Variants in ARHGAP26 observed in about 807,000 individuals in gnomAD.
The protein encoded by ARHGAP26 is Rho GTPase activating protein 26, also known as rho GTPase-activating protein 26.
A neutral mutation model predicts 104.8 loss-of-function variants in ARHGAP26; 38 were observed. The observed-to-expected ratio is 0.36, with a 90% CI of 0.28 to 0.48. The LOEUF (loss-of-function observed/expected upper bound fraction) is 0.48. ARHGAP26 is among the 20% of genes least tolerant of loss of function. The pLI, the probability that ARHGAP26 is intolerant of heterozygous loss-of-function variation, is 0.99. For synonymous variants in ARHGAP26, 341 were observed against 340.0 expected (o/e 1.00, Z -0.03); for missense variants, 704 against 947.9 (o/e 0.74, Z 3.38).
chr5:142,847,697 G>C (rs1772307510), intron 1 of ARHGAP26, among the ~76,000 whole-genome samples: 1 of 152,240 alleles, frequency 6.6e-6, no homozygotes, highest in South Asian at 2.1e-4. Flanking sequence ...GGCACAAATA[G>C]AGTGCCACGA....
chr5:142,833,496 A>C (rs922305793), intron 1 of ARHGAP26, among the ~76,000 whole-genome samples: 1 of 151,868 alleles, frequency 6.6e-6, no homozygotes, highest in Non-Finnish European at 1.5e-5. Flanking sequence ...TTCCTTTTTA[A>C]GTTTTTTTTA....
intron 14 of ARHGAP26, 123 bp downstream of exon 14, chr5:143,042,013 C>A: frequency 1.3e-6 from 1 of 785,068 alleles, no homozygotes; most frequent in Non-Finnish European, 2.1e-6. Flanking sequence ...GAGCTGTCAC[C>A]TAGAAGTCAT....
intron 10 of ARHGAP26, among the ~76,000 whole-genome samples, chr5:142,924,214 C>G (rs533185507): frequency 1.6e-4 from 25 of 152,208 alleles, no homozygotes; most frequent in African/African-American, 5.5e-4. Context: ...TCCTCCCTCC[C>G]TCCTCTTTCC....
At chr5:142,885,250 C>T (rs1757540532) in intron 4 of ARHGAP26, 48 bp from the exon 5 acceptor site, 2 of 1,517,940 alleles carry the variant, frequency 1.3e-6, no homozygotes, top group African/African-American at 1.4e-5. Flanking sequence ...TGCTTTTATT[C>T]CTGCAACGTG....
intron 20 of ARHGAP26, among the ~76,000 whole-genome samples, chr5:143,198,829 G>A (rs1260152151): frequency 6.6e-6 from 1 of 152,114 alleles, no homozygotes; most frequent in African/African-American, 2.4e-5. Context: ...TCAACTTTTA[G>A]ATTCAGGGAG....
chr5:142,984,554 T>C (rs944806346), intron 11 of ARHGAP26, among the ~76,000 whole-genome samples: 1 of 152,216 alleles, frequency 6.6e-6, no homozygotes, highest in Non-Finnish European at 1.5e-5. Context: ...CATCTCTCAG[T>C]GGGCTGCTAT....
At chr5:143,167,552 T>C (rs995420141) in intron 20 of ARHGAP26, among the ~76,000 whole-genome samples, 2 of 137,852 alleles carry the variant, frequency 1.5e-5, no homozygotes, top group Non-Finnish European at 3.1e-5. Context: ...ATAGGGGCGC[T>C]CAAATGATTA....
chr5:143,034,601 T>C (rs1322767420), intron 12 of ARHGAP26, among the ~76,000 whole-genome samples: 1 of 152,136 alleles, frequency 6.6e-6, no homozygotes, highest in Non-Finnish European at 1.5e-5. Context: ...ACATGGCTAA[T>C]GTGTATGGGT....
intron 1 of ARHGAP26, among the ~76,000 whole-genome samples, chr5:142,790,066 A>T (rs1316463524): frequency 6.6e-6 from 1 of 152,172 alleles, no homozygotes; most frequent in Non-Finnish European, 1.5e-5. Flanking sequence ...GCATTGTTGT[A>T]GTGTTGAGGG....
chr5:142,839,357 C>T (rs1770265604), intron 1 of ARHGAP26, among the ~76,000 whole-genome samples: 1 of 151,524 alleles, frequency 6.6e-6, no homozygotes, highest in African/African-American at 2.4e-5. Context: ...TTATAACAAT[C>T]CTTTGAAGGT....
intron 5 of ARHGAP26, among the ~76,000 whole-genome samples, chr5:142,888,460 C>T (rs1302960011): frequency 6.6e-6 from 1 of 152,190 alleles, no homozygotes; most frequent in Non-Finnish European, 1.5e-5. Flanking sequence ...GTGTTTTGCT[C>T]AAGGTGTTCA....
chr5:143,012,801 C>T (rs2152816291), intron 11 of ARHGAP26, among the ~76,000 whole-genome samples: 1 of 150,590 alleles, frequency 6.6e-6, no homozygotes, highest in East Asian at 2.0e-4. Context: ...CTACAGGCGC[C>T]CGCCACCATG....
intron 13 of ARHGAP26, among the ~76,000 whole-genome samples, chr5:143,039,738 TCA>T (rs1358496866): frequency 6.6e-6 from 1 of 152,116 alleles, no homozygotes; most frequent in African/African-American, 2.4e-5. Flanking sequence ...TTAAAACTGT[TCA>T]CAGAGTCTGT....
chr5:143,085,158 T>G (rs754973732), intron 17 of ARHGAP26, among the ~76,000 whole-genome samples: 1 of 152,120 alleles, frequency 6.6e-6, no homozygotes, highest in Non-Finnish European at 1.5e-5. Context: ...TTGATTCGCT[T>G]GTTTTTCTTC....
chr5:142,844,995 G>C lies in ARHGAP26; in HGVS notation c.155-28405G>C, dbSNP rs536122762. On this transcript the variant is annotated intron_variant, in intron 1 of 22. Coordinates refer to ENST00000645722, the MANE Select transcript of ARHGAP26 (RefSeq NM_001135608.3). ...GTGGAGGAGCCCTCTGTGAGGACTG[G>C]AGGGATGCACTTCCTTTTCGTCTTC... 1.6e-4 allele frequency among the ~76,000 whole-genome samples: 25 copies of C among 152,292 alleles called. No individual in the cohort carries two copies. The East Asian group carries it at 4.6e-3, about 28-fold the overall frequency.
chr5:143,189,550 A>G (rs939403087), intron 20 of ARHGAP26, among the ~76,000 whole-genome samples: 2 of 152,118 alleles, frequency 1.3e-5, no homozygotes, highest in African/African-American at 2.4e-5. Context: ...TTACACACTC[A>G]TAAGTAGTAT....
At chr5:143,052,053 GGC>G in intron 14 of ARHGAP26, among the ~76,000 whole-genome samples, 2 of 152,276 alleles carry the variant, frequency 1.3e-5, no homozygotes, top group African/African-American at 4.8e-5. Context: ...AGTGCAAGAT[GGC>G]AAAGACACAA....
At chr5:143,028,554 T>C (rs1158607929) in intron 12 of ARHGAP26, among the ~76,000 whole-genome samples, 1 of 152,206 alleles carries the variant, frequency 6.6e-6, no homozygotes, top group African/African-American at 2.4e-5. Context: ...CATTCTAATA[T>C]TGGTAATACT....
chr5:143,131,549 A>G (rs1305663134), intron 18 of ARHGAP26, among the ~76,000 whole-genome samples: 1 of 152,236 alleles, frequency 6.6e-6, no homozygotes, highest in Non-Finnish European at 1.5e-5. Context: ...AGAGGCAGAA[A>G]GGTACTAGAA....
Sources: allele counts gnomAD v4.1 joint callset (sites outside exome capture counted in the v4.1 genomes callset), GRCh38; gene constraint gnomAD v4.1.1; transcripts MANE v1.5; gene names NCBI Gene and HGNC (gene_info 2026-07-23, HGNC 2026-07-21).